RNF216: variants seen among roughly 807,000 people sequenced by gnomAD.
RNF216 encodes the protein E3 ubiquitin-protein ligase RNF216.
RNF216 carries 72 observed loss-of-function variants against 110.8 expected under a neutral mutation model. That is an observed-to-expected ratio of 0.65 (90% CI 0.54 to 0.79). The LOEUF (loss-of-function observed/expected upper bound fraction) is 0.79, where lower values mean the gene tolerates loss of function less well. RNF216 is among the 30% of genes least tolerant of loss of function. The probability of loss-of-function intolerance (pLI) is 0.00; values close to 1 mark genes in which losing one functional copy is unlikely to be tolerated. For missense variants in RNF216, 1,342 were observed against 1,141.2 expected, an observed-to-expected ratio of 1.18 and a Z score of -2.54; for synonymous variants, 495 against 407.5, an observed-to-expected ratio of 1.21 and a Z score of -2.59.
intron 6 of RNF216, among the ~76,000 whole-genome samples, 195 bp from the exon 7 acceptor site, chr7:5,729,791 G>C (rs566913982): frequency 6.6e-6 from 1 of 152,328 alleles, no homozygotes; most frequent in South Asian, 2.1e-4. Flanking sequence ...GGAGCCGACA[G>C]ACTAGTTTTA....
chr7:5,697,959 G>C (rs972036022), intron 13 of RNF216, among the ~76,000 whole-genome samples: 5 of 152,254 alleles, frequency 3.3e-5, no homozygotes, highest in South Asian at 4.1e-4. Context: ...AAGAAATTGT[G>C]ATCTATTTCA....
chr7:5,640,783 A>C (rs1292794074), intron 15 of RNF216, among the ~76,000 whole-genome samples: 6 of 152,250 alleles, frequency 3.9e-5, no homozygotes, highest in Non-Finnish European at 7.3e-5. Context: ...AGTGAGTCTC[A>C]TAAGAAAATC....
intron 1 of RNF216, among the ~76,000 whole-genome samples, chr7:5,779,153 C>T (rs914033311): frequency 6.6e-6 from 1 of 152,244 alleles, no homozygotes; most frequent in Non-Finnish European, 1.5e-5. Flanking sequence ...TTTGTAAACA[C>T]ATTAAATAGT....
chr7:5,656,485 C>A (rs1788752746), intron 13 of RNF216, among the ~76,000 whole-genome samples: 1 of 152,132 alleles, frequency 6.6e-6, no homozygotes, highest in South Asian at 2.1e-4. Flanking sequence ...TCCCCTTGTG[C>A]CTTTCCGACT....
At chr7:5,766,025 C>T (rs1796192061) in intron 1 of RNF216, among the ~76,000 whole-genome samples, 1 of 150,890 alleles carries the variant, frequency 6.6e-6, no homozygotes, top group South Asian at 2.1e-4. Context: ...CACTTGTAAT[C>T]CAGGAAACCA....
At chr7:5,695,683 A>G (rs1791582508) in intron 13 of RNF216, among the ~76,000 whole-genome samples, 1 of 152,246 alleles carries the variant, frequency 6.6e-6, no homozygotes, top group Non-Finnish European at 1.5e-5. Context: ...TGGCAGCCAC[A>G]GAATAGTGTT....
At chr7:5,720,090 G>A (rs1164031069) in intron 9 of RNF216, among the ~76,000 whole-genome samples, 8 of 152,196 alleles carry the variant, frequency 5.3e-5, no homozygotes, top group South Asian at 2.1e-4. Context: ...ATGGCTCTAC[G>A]ACACTGGCCT....
At chr7:5,671,499 T>A (rs528013541) in intron 13 of RNF216, among the ~76,000 whole-genome samples, 1 of 152,020 alleles carries the variant, frequency 6.6e-6, no homozygotes, top group African/African-American at 2.4e-5. Flanking sequence ...TCCAATCTGA[T>A]AGCCTTATAA....
rs2128553356 is a variant in RNF216, at chr7:5,621,156, A to T, written c.*1704T>A. ...GCCTCCATCCTGGGCAAAGGCAGAA[A>T]GAATGGGTATCTTAGTTTTTTTTTT... On this transcript the variant is annotated 3_prime_UTR_variant, in exon 17 of 17. Coordinates refer to ENST00000389902, the MANE Select transcript of RNF216 (RefSeq NM_207111.4). 1 of 149,298 alleles carries T rather than the reference A, an allele frequency of 6.7e-6. No homozygotes were observed. The highest frequency in any genetic ancestry group is 2.1e-4 in the South Asian group (1 of 4,688). The allele number at this position is 149,298 out of a possible 1,614,324, so 9.2% of individuals were successfully genotyped here.
At position 5,745,421 on chromosome 7, in the gene RNF216, C is replaced by T. The variant is rs570703434; in HGVS notation, c.202-3606G>A. Among the ~76,000 whole-genome samples, 9 of 152,278 alleles carry T rather than the reference C, an allele frequency of 5.9e-5. No homozygotes were observed. In the East Asian group the frequency reaches 1.5e-3, roughly 26 times the overall value. On this transcript the variant is annotated intron_variant, in intron 3 of 16. Coordinates refer to ENST00000389902, the MANE Select transcript of RNF216 (RefSeq NM_207111.4). ...AAGTATTCCCATTTATGTCTGTGGC[C>T]ATTCGTGCTCTTCTCTATCAACACT...
chr7:5,772,775 CTTTTT>C (rs34504327), intron 1 of RNF216, among the ~76,000 whole-genome samples: 1 of 133,552 alleles, frequency 7.5e-6, no homozygotes. Flanking sequence ...AAAGATATTC[CTTTTT>C]TTTTTTTTTT....
At chr7:5,634,130 G>A (rs1787251055) in intron 15 of RNF216, among the ~76,000 whole-genome samples, 1 of 152,230 alleles carries the variant, frequency 6.6e-6, no homozygotes, top group Admixed American at 6.5e-5. Context: ...CGGTCCTTTT[G>A]AGACTTTTTT....
intron 13 of RNF216, among the ~76,000 whole-genome samples, chr7:5,665,726 A>C (rs1350485000): frequency 1.3e-5 from 2 of 152,188 alleles, no homozygotes; most frequent in African/African-American, 4.8e-5. Flanking sequence ...TTTTATCTTT[A>C]TCATAGTAAC....
At chr7:5,769,963 T>G (rs146797537) in intron 1 of RNF216, among the ~76,000 whole-genome samples, 2 of 129,004 alleles carry the variant, frequency 1.6e-5, no homozygotes, top group East Asian at 4.3e-4. Context: ...GGAGGCCAAG[T>G]TGCAGTGAGC....
rs190817726 is a variant in RNF216, at chr7:5,689,509, A to C, written c.2061+22252T>G. On this transcript the variant is annotated intron_variant, in intron 13 of 16. Coordinates refer to ENST00000389902, the MANE Select transcript of RNF216 (RefSeq NM_207111.4). ...TCTGGAGGCCATTTTCTAAAAAAAA[A>C]CAAAAAACAAAAAACCCTAGGCTTG... 3.1e-4 allele frequency among the ~76,000 whole-genome samples: 47 copies of C among 152,276 alleles called. 1 individual carries two copies. The East Asian group carries it at 4.8e-3, about 16-fold the overall frequency.
chr7:5,623,253 A>G, intron 16 of RNF216, 74 bp from the exon 17 acceptor site: 1 of 1,416,472 alleles, frequency 7.1e-7, no homozygotes, highest in South Asian at 1.4e-5. Flanking sequence ...GGACCAGGGC[A>G]GCGACCTCTG....
In RNF216 at chr7:5,641,243, T is replaced by C. The variant is rs961017759; in HGVS notation, c.2293A>G (p.Asn765Asp). ...TGTTGGCAGAAATGGTCATATCCAT[T>C]AATAGAAACTCGACAGAGGTAGCAC... ...QMCYLCRVSI[N>D]GYDHFCQHPR... Residue 765 changes from asparagine (N) to aspartate (D), a missense_variant, in exon 15 of 17, where the codon AAT becomes GAT. Asn to Asp is a conservative substitution (Grantham distance 23). Transcript: ENST00000389902. 1.2e-6 allele frequency: 2 copies of C among 1,614,034 alleles called. No homozygotes were observed. Among genetic ancestry groups the C allele is most frequent in the South Asian group, 1.1e-5 (1 of 91,090 alleles).
At chr7:5,626,070 A>ATTTCAAGAGT (rs1279060285) in intron 15 of RNF216, among the ~76,000 whole-genome samples, 2 of 152,228 alleles carry the variant, frequency 1.3e-5, no homozygotes, top group African/African-American at 4.8e-5. Flanking sequence ...CCCATCATGC[A>ATTTCAAGAGT]TTTCAAGAGT....
At chr7:5,724,415 A>G (rs1793627079) in intron 8 of RNF216, among the ~76,000 whole-genome samples, 3 of 152,238 alleles carry the variant, frequency 2.0e-5, no homozygotes, top group Admixed American at 6.5e-5. Flanking sequence ...TCCACCACTG[A>G]AGTCAGAAAC....
Sources: allele counts gnomAD v4.1 joint callset (sites outside exome capture counted in the v4.1 genomes callset), GRCh38; gene constraint gnomAD v4.1.1; transcripts MANE v1.5; gene names NCBI Gene and HGNC (gene_info 2026-07-23, HGNC 2026-07-21).